The following MYOCOS variants were observed in gnomAD, a reference collection of about 807,000 sequenced individuals.
MYOCOS encodes the protein myocilin opposite strand.
chr1:171,624,501 A>G (rs1271558413), intron 2 of MYOCOS, among the ~76,000 whole-genome samples: 2 of 151,536 alleles, frequency 1.3e-5, no homozygotes, highest in Non-Finnish European at 2.9e-5. Flanking sequence ...GGCTGGAGCA[A>G]TCTTGGCTCA....
chr1:171,623,232 G>T (rs757078057), intron 1 of MYOCOS, among the ~76,000 whole-genome samples: 1 of 152,020 alleles, frequency 6.6e-6, no homozygotes, highest in Non-Finnish European at 1.5e-5. Flanking sequence ...CAAAGTAAAA[G>T]GACATCCCAA....
chr1:171,604,998 A>C (rs1652217549), intron 1 of MYOCOS, among the ~76,000 whole-genome samples: 1 of 152,210 alleles, frequency 6.6e-6, no homozygotes, highest in Non-Finnish European at 1.5e-5. Flanking sequence ...TAAAAAAGGA[A>C]GTTCAAAGAT....
At chr1:171,602,225 A>AATTT (rs1652156675) in intron 1 of MYOCOS, among the ~76,000 whole-genome samples, 1 of 152,198 alleles carries the variant, frequency 6.6e-6, no homozygotes, top group Non-Finnish European at 1.5e-5. Flanking sequence ...TGTGTGCGAA[A>AATTT]GTCGTGAAAG....
chr1:171,616,759 T>A (rs1558081089), intron 2 of MYOCOS, among the ~76,000 whole-genome samples: 1 of 152,112 alleles, frequency 6.6e-6, no homozygotes, highest in African/African-American at 2.4e-5. Context: ...ATCCTATAGA[T>A]GGCATTGTAA....
At chr1:171,604,280 G>A (rs1652202366) in intron 1 of MYOCOS, 1 of 152,184 alleles carries the variant, frequency 6.6e-6, no homozygotes, top group East Asian at 1.9e-4. Flanking sequence ...CTCATCACAG[G>A]ACTCATTTTC....
chr1:171,601,119 T>C (rs1652133393), intron 1 of MYOCOS: 1 of 152,306 alleles, frequency 6.6e-6, no homozygotes, highest in South Asian at 2.1e-4. Context: ...GCCAGAGCAG[T>C]GCGTAGCAGG....
upstream of MYOCOS, among the ~76,000 whole-genome samples, chr1:171,620,773 C>CTTTTTTTTTTT (rs34455235): frequency 3.9e-5 from 5 of 127,210 alleles, no homozygotes; most frequent in African/African-American, 9.2e-5. Flanking sequence ...CTTTTTCTTT[C>CTTTTTTTTTTT]TTTTTTTTTT....
chr1:171,603,418 C>T (rs1475165554), intron 1 of MYOCOS, among the ~76,000 whole-genome samples: 1 of 152,166 alleles, frequency 6.6e-6, no homozygotes, highest in Admixed American at 6.5e-5. Context: ...AATAAGACAT[C>T]GTAAAGTGAG....
chr1:171,605,676 G>A (rs764784936), intron 1 of MYOCOS, among the ~76,000 whole-genome samples: 62 of 151,780 alleles, frequency 4.1e-4, no homozygotes, highest in Non-Finnish European at 6.6e-4. Flanking sequence ...CGCGGAAAAC[G>A]AAGCATAGCC....
chr1:171,605,405 A>G (rs1307498570), intron 1 of MYOCOS, among the ~76,000 whole-genome samples: 1 of 152,016 alleles, frequency 6.6e-6, no homozygotes, highest in Non-Finnish European at 1.5e-5. Context: ...AAAAAAAAAA[A>G]AACAGTTACA....
intron 1 of MYOCOS, among the ~76,000 whole-genome samples, chr1:171,610,986 C>G (rs556839689): frequency 2.6e-5 from 4 of 152,304 alleles, no homozygotes; most frequent in African/African-American, 9.6e-5. Flanking sequence ...ATCATCCAAG[C>G]CATTTACCAT....
intron 1 of MYOCOS, among the ~76,000 whole-genome samples, chr1:171,604,703 A>G (rs1247178740): frequency 6.6e-6 from 1 of 152,240 alleles, no homozygotes; most frequent in African/African-American, 2.4e-5. Context: ...GGTTCTCTAG[A>G]TTAGAAACAA....
chr1:171,610,554 A>G (rs924994984), intron 1 of MYOCOS, among the ~76,000 whole-genome samples: 1 of 152,242 alleles, frequency 6.6e-6, no homozygotes, highest in African/African-American at 2.4e-5. Context: ...GCAGAAGGAC[A>G]AGTGAGCATG....
chr1:171,613,617 A>C (rs775571060), intron 1 of MYOCOS, among the ~76,000 whole-genome samples: 30 of 151,942 alleles, frequency 2.0e-4, no homozygotes, highest in Non-Finnish European at 4.1e-4. Flanking sequence ...GCGTGATCAT[A>C]GCTTGCTGCA....
chr1:171,613,942 G>A (rs1363633174), intron 1 of MYOCOS, among the ~76,000 whole-genome samples: 2 of 152,182 alleles, frequency 1.3e-5, no homozygotes, highest in East Asian at 3.9e-4. Context: ...TGCAATGGCT[G>A]ATTGGCAGTC....
Position 171,623,873 on chromosome 1 carries a change from A to C in MYOCOS, c.-11A>C, listed in dbSNP as rs1005458096. The C allele has an allele frequency of 2.5e-6, 1 of 398,456 alleles. No individual in the cohort carries two copies. Among genetic ancestry groups the C allele is most frequent in the South Asian group, 1.3e-4 (1 of 7,852 alleles). The allele number at this position is 398,456 out of a possible 1,614,324, so 24.7% of individuals were successfully genotyped here. On this transcript the variant is annotated 5_prime_UTR_variant, in exon 2 of 3. Coordinates refer to ENST00000637642, the MANE Select transcript of MYOCOS (RefSeq NM_001391940.1). ...AACTTTAAATTCCTCAAATCCCCTG[A>C]GTGCAAGGCCATGGCTCAGAAAAGC...
At position 171,608,408 on chromosome 1, in the gene MYOCOS, CTTTTTTTTTTTTTTTT is replaced by C. The variant is rs34773729; in HGVS notation, c.-251-6378_-251-6363del. ...CTGGCCTTGAGTCCAGGGAACCAGA[CTTTTTTTTTTTTTTTT>C]TTTTTTTTTTTGAGATGGAGCCTTG... On this transcript the variant is annotated intron_variant, in intron 1 of 3. Coordinates refer to the MYOCOS transcript ENST00000636697. 4.5e-4 allele frequency among the ~76,000 whole-genome samples: 23 copies of C among 51,362 alleles called. 2 individuals carry two copies. Among genetic ancestry groups the C allele is most frequent in the Non-Finnish European group, 2.0e-4 (6 of 30,236 alleles). 33.7% of individuals were successfully genotyped at this position (51,362 alleles called of 152,430 possible). A position where few individuals can be genotyped will look rare whatever the true frequency, so the allele number is the denominator to read the frequency against.
chr1:171,609,392 C>T (rs235900), intron 1 of MYOCOS, among the ~76,000 whole-genome samples: 23,162 of 152,126 alleles, frequency 0.15, 1,849 homozygotes, highest in Middle Eastern at 0.29. Flanking sequence ...CTCAAAGTGA[C>T]TAGGTGGAAG....
chr1:171,618,647 C>T (rs552890193), upstream of MYOCOS, among the ~76,000 whole-genome samples: 10 of 152,284 alleles, frequency 6.6e-5, no homozygotes, highest in African/African-American at 9.6e-5. Flanking sequence ...ATGATCTCAG[C>T]TCACTGCAAC....
Sources: gnomAD v4.1 joint callset for allele counts (sites outside exome capture counted in the v4.1 genomes callset) on GRCh38, gnomAD v4.1.1 for gene constraint, MANE v1.5 for transcripts, NCBI Gene and HGNC (gene_info 2026-07-23, HGNC 2026-07-21) for gene names.